ATP8A2: variants seen among roughly 807,000 people sequenced by gnomAD.
ATP8A2 encodes the protein phospholipid-transporting ATPase IB.
In ATP8A2, 100 loss-of-function variants were observed where a neutral mutation model predicts 165.6. The observed-to-expected ratio is 0.60, with a 90% CI of 0.51 to 0.71. The LOEUF (loss-of-function observed/expected upper bound fraction) is 0.71. Ranked by LOEUF, ATP8A2 falls within the 30% of genes least tolerant of loss-of-function variation. ATP8A2 has a pLI of 0.00. For synonymous variants in ATP8A2, 543 were observed against 548.8 expected, an observed-to-expected ratio of 0.99 and a Z score of 0.15; for missense variants, 1,227 against 1,479.5, an observed-to-expected ratio of 0.83 and a Z score of 2.80.
At chr13:25,517,138 A>G (rs1431769316) in intron 2 of ATP8A2, 1 of 149,950 alleles carries the variant, frequency 6.7e-6, no homozygotes, top group East Asian at 1.9e-4. Flanking sequence ...TTGGCAGCAC[A>G]TAGACTACAA....
In ATP8A2 at chr13:25,734,141, A is replaced by G. The variant is rs188639644; in HGVS notation, c.2384+34796A>G. On this transcript the variant is annotated intron_variant, in intron 25 of 36. Coordinates refer to ENST00000381655, the MANE Select transcript of ATP8A2 (RefSeq NM_016529.6). ...GTGCCCAGCATATGGTCTGCATTCA[A>G]TAAATGCCTATTCGACTGAATAAAC... 1.2e-3 allele frequency among the ~76,000 whole-genome samples: 187 copies of G among 152,346 alleles called. 2 individuals are homozygous for G. In the South Asian group the frequency reaches 0.015, roughly 12 times the overall value.
intron 24 of ATP8A2, among the ~76,000 whole-genome samples, chr13:25,637,092 CAAAAAAAAAAA>C (rs56069703): frequency 1.0e-4 from 7 of 67,662 alleles, no homozygotes; most frequent in Non-Finnish European, 1.9e-4. Flanking sequence ...GACCCTGTCT[CAAAAAAAAAAA>C]AAAAAAAAAA....
chr13:25,794,564 G>A (rs1950457346), intron 27 of ATP8A2, among the ~76,000 whole-genome samples: 1 of 152,146 alleles, frequency 6.6e-6, no homozygotes, highest in Admixed American at 6.6e-5. Context: ...GGAGCACAAA[G>A]GGTTTGGGAG....
At chr13:25,445,225 C>A (rs1293099768) in intron 1 of ATP8A2, among the ~76,000 whole-genome samples, 1 of 152,132 alleles carries the variant, frequency 6.6e-6, no homozygotes, top group Admixed American at 6.5e-5. Context: ...GAAAACTTTG[C>A]CTCCCTTGGA....
At chr13:25,699,118 G>A (rs866057313) in intron 24 of ATP8A2, 55 bp from the exon 25 acceptor site, 1 of 1,342,552 alleles carries the variant, frequency 7.4e-7, no homozygotes, top group South Asian at 1.7e-5. Flanking sequence ...ATTCTATTTT[G>A]TTTTTGATAT....
chr13:25,632,494 A>G (rs1467087821), intron 24 of ATP8A2, among the ~76,000 whole-genome samples: 1 of 152,142 alleles, frequency 6.6e-6, no homozygotes, highest in African/African-American at 2.4e-5. Flanking sequence ...TGAGATTCCA[A>G]AGGTGTTTGG....
At chr13:25,913,765 G>C (rs10467676) in intron 33 of ATP8A2, among the ~76,000 whole-genome samples, 7,530 of 152,230 alleles carry the variant, frequency 0.049, 268 homozygotes, top group African/African-American at 0.095. Flanking sequence ...ATTTGAGTTA[G>C]GAAATTAGTA....
At chr13:25,455,723 T>G (rs1593331788) in intron 1 of ATP8A2, among the ~76,000 whole-genome samples, 1 of 152,350 alleles carries the variant, frequency 6.6e-6, no homozygotes, top group East Asian at 1.9e-4. Context: ...AATCTGCTTC[T>G]GAGGTCAATT....
chr13:25,741,084 G>A (rs1379439728), intron 25 of ATP8A2, among the ~76,000 whole-genome samples: 5 of 152,174 alleles, frequency 3.3e-5, no homozygotes, highest in African/African-American at 7.2e-5. Flanking sequence ...AAGAAAATAA[G>A]TATTTTTCAG....
At chr13:25,377,273 A>T (rs1256946872) in intron 1 of ATP8A2, among the ~76,000 whole-genome samples, 1 of 152,268 alleles carries the variant, frequency 6.6e-6, no homozygotes, top group Non-Finnish European at 1.5e-5. Flanking sequence ...ATTTACATCC[A>T]CTTAGGCTGG....
At chr13:25,718,255 A>C (rs2043298418) in intron 25 of ATP8A2, among the ~76,000 whole-genome samples, 1 of 152,256 alleles carries the variant, frequency 6.6e-6, no homozygotes, top group Non-Finnish European at 1.5e-5. Flanking sequence ...AAACAGATTT[A>C]CGTAAGTTCC....
At chr13:25,870,891 A>AGAAG (rs1439758067) in intron 33 of ATP8A2, among the ~76,000 whole-genome samples, 1 of 152,248 alleles carries the variant, frequency 6.6e-6, no homozygotes, top group African/African-American at 2.4e-5. Flanking sequence ...TTTGAGCTGC[A>AGAAG]ATCTTCTGTC....
At chr13:25,468,474 AG>A (rs1268882662) in intron 1 of ATP8A2, among the ~76,000 whole-genome samples, 1 of 152,196 alleles carries the variant, frequency 6.6e-6, no homozygotes, top group Non-Finnish European at 1.5e-5. Context: ...GGCTGCTTGC[AG>A]GGCGCATTCC....
At chr13:25,899,735 G>A (rs1953677383) in intron 33 of ATP8A2, among the ~76,000 whole-genome samples, 3 of 152,174 alleles carry the variant, frequency 2.0e-5, no homozygotes, top group South Asian at 2.1e-4. Context: ...AGGGGTGCAC[G>A]GTAGCCAGAC....
intron 34 of ATP8A2, among the ~76,000 whole-genome samples, chr13:25,963,121 C>T (rs571526646): frequency 1.8e-4 from 27 of 152,062 alleles, no homozygotes; most frequent in Admixed American, 2.0e-4. Flanking sequence ...TTTGGCCAGG[C>T]GCAGTGGCTC....
At chr13:25,638,828 A>G (rs1045018311) in intron 24 of ATP8A2, among the ~76,000 whole-genome samples, 5 of 152,166 alleles carry the variant, frequency 3.3e-5, no homozygotes, top group Admixed American at 1.3e-4. Flanking sequence ...GTTGAAATGA[A>G]GGAAAAAATG....
chr13:25,648,046 G>A (rs2041720287), intron 24 of ATP8A2, among the ~76,000 whole-genome samples: 2 of 151,810 alleles, frequency 1.3e-5, no homozygotes, highest in African/African-American at 4.8e-5. Context: ...CTTTTGACTT[G>A]CTATTATGCG....
chr13:25,443,277 G>T (rs1252323744), intron 1 of ATP8A2, among the ~76,000 whole-genome samples: 1 of 152,120 alleles, frequency 6.6e-6, no homozygotes, highest in Non-Finnish European at 1.5e-5. Context: ...CACTTCAGAT[G>T]GAATTTTCTA....
At chr13:25,639,822 A>G (rs796745932) in intron 24 of ATP8A2, among the ~76,000 whole-genome samples, 11 of 152,304 alleles carry the variant, frequency 7.2e-5, no homozygotes, top group African/African-American at 2.6e-4. Flanking sequence ...ACCACATTAC[A>G]CTTATTCCAA....
Sources: allele counts gnomAD v4.1 joint callset (sites outside exome capture counted in the v4.1 genomes callset), GRCh38; gene constraint gnomAD v4.1.1; transcripts MANE v1.5; gene names NCBI Gene and HGNC (gene_info 2026-07-23, HGNC 2026-07-21).